Variants in MACF1 observed in about 807,000 individuals in gnomAD.
The protein encoded by MACF1 is microtubule-actin cross-linking factor 1.
A neutral mutation model predicts 854.8 loss-of-function variants in MACF1; 193 were observed. The observed-to-expected ratio is 0.23, with a 90% CI of 0.20 to 0.25. MACF1 has a LOEUF of 0.25. Ranked by LOEUF, MACF1 falls within the 10% of genes least tolerant of loss-of-function variation. The probability of loss-of-function intolerance (pLI) is 1.00; values close to 1 mark genes in which losing one functional copy is unlikely to be tolerated. For synonymous variants in MACF1, 3,185 were observed against 3,226.7 expected (o/e 0.99, Z 0.44); for missense variants, 7,722 against 8,929.1 (o/e 0.86, Z 5.45).
chr1:39,427,731 G>T (rs1278849532), intron 62 of MACF1, 117 bp downstream of exon 62: 5 of 1,092,116 alleles, frequency 4.6e-6, no homozygotes, highest in Non-Finnish European at 6.5e-6. Flanking sequence ...CTTAAAATAT[G>T]GTCAGATTAT....
intron 38 of MACF1, among the ~76,000 whole-genome samples, chr1:39,340,110 T>C (rs1430219964): frequency 6.6e-6 from 1 of 152,160 alleles, no homozygotes; most frequent in East Asian, 1.9e-4. Context: ...TGTAGCACAT[T>C]AATTCTGCAC....
rs542937908 is a variant in MACF1, at chr1:39,226,404, G to A, written c.110-4778G>A. Among the ~76,000 whole-genome samples the A allele has an allele frequency of 2.0e-3, 301 of 151,038 alleles. 2 individuals are homozygous for A. Among genetic ancestry groups the A allele is most frequent in the African/African-American group, 7.1e-3 (291 of 41,030 alleles). ...TGCCCGAGCTGGAATGCAGTGGCAC[G>A]ATCTCAGCTCACTGCAACCTCCGCC... On this transcript the variant is annotated intron_variant, in intron 1 of 100. Coordinates refer to ENST00000564288, the MANE Select transcript of MACF1 (RefSeq NM_001394062.1).
rs1274871915 is a variant in MACF1, at chr1:39,335,571, T to C, written c.8983T>C (p.Ser2995Pro). The C allele has an allele frequency of 1.9e-6, 3 of 1,614,192 alleles. No individual in the cohort carries two copies. The highest frequency in any genetic ancestry group is 4.5e-5 in the East Asian group (2 of 44,882). ...CAGAACATGCAAACCAGCATTTCTT[T>C]CTGAAGAAAAGTTGTATCAGGAAAC... ...SIRTCKPAFLSEEKLYQETAI... is the reference protein window; with the variant it reads ...SIRTCKPAFLPEEKLYQETAI... The change falls in exon 37 of 101, where the codon TCT becomes CCT. Residue 2995 changes from serine (S) to proline (P), a missense_variant. Ser to Pro is a moderately conservative substitution (Grantham distance 74, BLOSUM62 -1). Around this residue, in one of 15 missense-constraint regions of MACF1, gnomAD observed 854 missense variants for 852.6 expected, o/e 1.00. Coordinates refer to ENST00000564288, the MANE Select transcript of MACF1 (RefSeq NM_001394062.1).
chr1:39,442,491 C>G lies in MACF1; in HGVS notation c.19028C>G (p.Thr6343Ser), dbSNP rs749044962. Residue 6343 changes from threonine to serine, a missense_variant, in exon 77 of 101, where the codon ACC becomes AGC. Transcript: ENST00000564288. ...GAACTAATGAGTTGGCTGACTCATA[C>G]CGAAGAGTTGTTAGATGCTCAGAGA... The part of the protein sequence containing the change: ...LEELMSWLTH[T>S]EELLDAQRPI... The G allele has an allele frequency of 5.6e-6, 9 of 1,614,082 alleles. No individual in the cohort carries two copies. Among genetic ancestry groups the G allele is most frequent in the Non-Finnish European group, 7.6e-6 (9 of 1,179,966 alleles).
intron 43 of MACF1, among the ~76,000 whole-genome samples, chr1:39,351,347 T>A (rs1247280280): frequency 6.6e-6 from 1 of 152,110 alleles, no homozygotes; most frequent in Non-Finnish European, 1.5e-5. Flanking sequence ...GAGATGAGGT[T>A]TCACCAGGTT....
At chr1:39,289,697 T>TTTTTTTG (rs1645732679) in intron 15 of MACF1, among the ~76,000 whole-genome samples, 1 of 86,998 alleles carries the variant, frequency 1.1e-5, no homozygotes, top group Non-Finnish European at 2.2e-5. Flanking sequence ...GTTGTCCTTT[T>TTTTTTTG]TTTTTTTTTT....
intron 44 of MACF1, among the ~76,000 whole-genome samples, chr1:39,353,781 T>C (rs1437076228): frequency 6.6e-6 from 1 of 152,194 alleles, no homozygotes; most frequent in Admixed American, 6.5e-5. Context: ...CATCCTAGAT[T>C]CCATTCTCTC....
At chr1:39,217,979 C>G (rs991307135) in intron 1 of MACF1, among the ~76,000 whole-genome samples, 5 of 151,350 alleles carry the variant, frequency 3.3e-5, no homozygotes, top group Non-Finnish European at 5.9e-5. Context: ...GTCAGGAGAT[C>G]GAGACCATCC....
chr1:39,361,350 T>C lies in MACF1; in HGVS notation c.12454-10T>C, dbSNP rs752326913. ...GAACCAGGAGCTGACAGACGTGTTC[T>C]TCATGACAGAAATTGAAGCAGGACA... On this transcript the variant is annotated splice_polypyrimidine_tract_variant and intron_variant, in intron 48 of 100. Coordinates refer to ENST00000564288, the MANE Select transcript of MACF1 (RefSeq NM_001394062.1). 1 of 1,610,632 alleles carries C rather than the reference T, an allele frequency of 6.2e-7. No homozygotes were observed. Among genetic ancestry groups the C allele is most frequent in the Admixed American group, 1.7e-5 (1 of 59,956 alleles).
chr1:39,315,483 C>A, intron 26 of MACF1, 30 bp from the exon 27 acceptor site: 1 of 1,609,052 alleles, frequency 6.2e-7, no homozygotes, highest in South Asian at 1.1e-5. Context: ...AATTCTGTCT[C>A]CCTCTTTATG....
intron 49 of MACF1, among the ~76,000 whole-genome samples, chr1:39,366,898 C>CCA (rs1648763546): frequency 6.7e-6 from 1 of 149,332 alleles, no homozygotes; most frequent in African/African-American, 2.5e-5. Context: ...CCTGCCTCGG[C>CCA]CTCCCAAAGT....
intron 100 of MACF1, chr1:39,485,222 G>A: frequency 2.9e-6 from 1 of 347,612 alleles, no homozygotes; most frequent in Non-Finnish European, 5.2e-6. Context: ...TCCTGCCCAT[G>A]GATTAGCCCG....
intron 97 of MACF1, among the ~76,000 whole-genome samples, chr1:39,474,032 T>TCACTTCAGG (rs1557672858): frequency 6.6e-6 from 1 of 151,976 alleles, no homozygotes; most frequent in Non-Finnish European, 1.5e-5. Flanking sequence ...GTAGGGAAGA[T>TCACTTCAGG]CACTTCAGGC....
chr1:39,465,148 G>A (rs764118102), intron 95 of MACF1, 36 bp downstream of exon 95: 12 of 1,602,040 alleles, frequency 7.5e-6, no homozygotes, highest in African/African-American at 2.7e-5. Flanking sequence ...CTTCTCAATG[G>A]ATATGGTCTG....
At chr1:39,183,297 A>G (rs986623403) in intron 2 of MACF1, among the ~76,000 whole-genome samples, 4 of 152,226 alleles carry the variant, frequency 2.6e-5, no homozygotes, top group Admixed American at 1.3e-4. Flanking sequence ...CTCTGTGAAC[A>G]TACTGATACT....
intron 80 of MACF1, among the ~76,000 whole-genome samples, chr1:39,446,966 CAT>C (rs1438966248): frequency 6.6e-6 from 1 of 152,104 alleles, no homozygotes; most frequent in African/African-American, 2.4e-5. Flanking sequence ...TTTCTGAAAA[CAT>C]GTATTTAAAC....
intron 1 of MACF1, among the ~76,000 whole-genome samples, chr1:39,230,208 G>A (rs758349507): frequency 3.9e-5 from 6 of 152,338 alleles, no homozygotes; most frequent in Non-Finnish European, 8.8e-5. Flanking sequence ...AAATGTGGCA[G>A]TGTGGTGGCT....
chr1:39,471,175 G>C (rs763586348), intron 97 of MACF1, among the ~76,000 whole-genome samples: 1 of 152,156 alleles, frequency 6.6e-6, no homozygotes, highest in Non-Finnish European at 1.5e-5. Flanking sequence ...CTCTGTCAGT[G>C]ATGGGCAGGA....
chr1:39,226,309 C>G (rs1424911564), intron 1 of MACF1, among the ~76,000 whole-genome samples: 1 of 151,420 alleles, frequency 6.6e-6, no homozygotes, highest in Non-Finnish European at 1.5e-5. Flanking sequence ...TATGGAAGGG[C>G]TTGGTAGATG....
Sources: gnomAD v4.1 joint callset for allele counts (sites outside exome capture counted in the v4.1 genomes callset) on GRCh38, gnomAD v4.1.1 for gene constraint, gnomAD v4.1.1 regional missense constraint, MANE v1.5 for transcripts, NCBI Gene and HGNC (gene_info 2026-07-23, HGNC 2026-07-21) for gene names.